PRKCA: variants seen among roughly 807,000 people sequenced by gnomAD.
PRKCA encodes protein kinase C alpha.
PRKCA carries 27 observed loss-of-function variants against 87.0 expected under a neutral mutation model. The observed-to-expected ratio is 0.31, with a 90% CI of 0.23 to 0.43. The LOEUF (loss-of-function observed/expected upper bound fraction) is 0.43, where lower values mean the gene tolerates loss of function less well. Among genes scored for constraint, PRKCA ranks in the 20% least tolerant of loss-of-function variants. PRKCA has a pLI of 1.00. For missense variants in PRKCA, 518 were observed against 852.3 expected (o/e 0.61, Z 4.88); for synonymous variants, 329 against 311.1 (o/e 1.06, Z -0.61).
chr17:66,578,355 C>A (rs8069696), intron 3 of PRKCA, among the ~76,000 whole-genome samples: 32,098 of 152,018 alleles, frequency 0.21, 3,579 homozygotes, highest in African/African-American at 0.28. Flanking sequence ...GGAAACCCTT[C>A]AGCTCCAGGG....
At chr17:66,491,123 G>A (rs1021682943) in intron 2 of PRKCA, among the ~76,000 whole-genome samples, 10 of 152,208 alleles carry the variant, frequency 6.6e-5, no homozygotes, top group Admixed American at 2.0e-4. Flanking sequence ...CATTTGCTCA[G>A]TGTGATTTGT....
At chr17:66,620,116 T>C (rs186709325) in intron 3 of PRKCA, among the ~76,000 whole-genome samples, 1 of 152,322 alleles carries the variant, frequency 6.6e-6, no homozygotes, top group Admixed American at 6.5e-5. Context: ...GAGCAGCCCT[T>C]CCTCAAGGAG....
chr17:66,568,036 C>A (rs1466990827), intron 3 of PRKCA, among the ~76,000 whole-genome samples: 1 of 152,192 alleles, frequency 6.6e-6, no homozygotes, highest in South Asian at 2.1e-4. Context: ...CAGCAGAGGT[C>A]TGGCGTGGTG....
At chr17:66,334,682 G>A (rs1399035569) in intron 2 of PRKCA, among the ~76,000 whole-genome samples, 1 of 152,200 alleles carries the variant, frequency 6.6e-6, no homozygotes, top group Non-Finnish European at 1.5e-5. Context: ...TGCAGCTGCT[G>A]TAGAAAATGG....
chr17:66,563,997 T>TCCTC (rs1968803069), intron 3 of PRKCA, among the ~76,000 whole-genome samples: 1 of 139,352 alleles, frequency 7.2e-6, no homozygotes, highest in African/African-American at 2.9e-5. Context: ...CTTCCTTCCT[T>TCCTC]CCTTCCTCCT....
At chr17:66,496,151 G>A (rs563860346) in intron 2 of PRKCA, 50 bp from the exon 3 acceptor site, 10 of 1,409,244 alleles carry the variant, frequency 7.1e-6, no homozygotes, top group East Asian at 4.6e-5. Context: ...AATAAAGCTC[G>A]TATGTTAAAT....
intron 3 of PRKCA, among the ~76,000 whole-genome samples, chr17:66,571,013 T>A (rs1969064499): frequency 6.6e-6 from 1 of 152,254 alleles, no homozygotes; most frequent in African/African-American, 2.4e-5. Flanking sequence ...GAGCACTGTT[T>A]GCAAATTGCA....
intron 2 of PRKCA, among the ~76,000 whole-genome samples, chr17:66,380,508 A>G (rs1448360192): frequency 1.3e-5 from 2 of 152,194 alleles, no homozygotes; most frequent in Non-Finnish European, 2.9e-5. Flanking sequence ...TAAGTATTCC[A>G]TTTATTTATC....
rs76683751 is a variant in PRKCA at position 66,630,290 on chromosome 17, G to T, written c.289-11065G>T. 1.6e-4 allele frequency among the ~76,000 whole-genome samples: 25 copies of T among 152,320 alleles called. 1 individual carries two copies. The East Asian group carries it at 3.7e-3, about 22-fold the overall frequency. ...ATGATTTAAGTATATGTGTAAGTAT[G>T]TACTTAAATACTAAGTAGATAGGCT... is the stretch of plus-strand genomic sequence containing the variant. On this transcript the variant is annotated intron_variant, in intron 3 of 16. Transcript: ENST00000413366.
intron 2 of PRKCA, among the ~76,000 whole-genome samples, chr17:66,459,834 A>T (rs1242679106): frequency 2.0e-4 from 31 of 151,778 alleles, no homozygotes; most frequent in Admixed American, 2.0e-3. Flanking sequence ...TTTTATTTTT[A>T]TTTTTATTTT....
At chr17:66,404,752 T>TTTTTTTTTTTTTTG (rs1911253954) in intron 2 of PRKCA, among the ~76,000 whole-genome samples, 1 of 130,144 alleles carries the variant, frequency 7.7e-6, no homozygotes, top group Admixed American at 7.9e-5. Context: ...CTTTTTTTTT[T>TTTTTTTTTTTTTTG]TTTTTTTTTT....
At chr17:66,563,011 TGTTA>T (rs1968764127) in intron 3 of PRKCA, among the ~76,000 whole-genome samples, 1 of 152,160 alleles carries the variant, frequency 6.6e-6, no homozygotes, top group African/African-American at 2.4e-5. Context: ...TATTTCATCC[TGTTA>T]GCTTTTTTTT....
chr17:66,671,209 C>CAAAAAAAAAAAAAAAAA (rs778507190), intron 5 of PRKCA, among the ~76,000 whole-genome samples: 1 of 48,448 alleles, frequency 2.1e-5, no homozygotes. Context: ...AGACTCATCT[C>CAAAAAAAAAAAAAAAAA]AAAAAAAAAA....
At chr17:66,582,240 C>A (rs921111962) in intron 3 of PRKCA, among the ~76,000 whole-genome samples, 1 of 152,152 alleles carries the variant, frequency 6.6e-6, no homozygotes, top group Admixed American at 6.5e-5. Context: ...TATTAACTAC[C>A]GCAACTCAAG....
At chr17:66,778,892 T>C (rs1975134265) in intron 14 of PRKCA, among the ~76,000 whole-genome samples, 1 of 151,750 alleles carries the variant, frequency 6.6e-6, no homozygotes, top group South Asian at 2.1e-4. Context: ...CTCCACATTC[T>C]GGTGCAATGG....
chr17:66,802,898 G>A lies in PRKCA; in HGVS notation c.1855-975G>A, dbSNP rs112202769. ...GCAGCAGGTCCAAGGGCAGTAATTGGCAGCATCTTGAAAATCATTCTTAGG... is the reference window on the plus strand; with the variant it reads ...GCAGCAGGTCCAAGGGCAGTAATTGACAGCATCTTGAAAATCATTCTTAGG... On this transcript the variant is annotated intron_variant, in intron 16 of 16. Coordinates refer to ENST00000413366, the MANE Select transcript of PRKCA (RefSeq NM_002737.3). 1.2e-3 allele frequency among the ~76,000 whole-genome samples: 182 copies of A among 152,320 alleles called. 1 individual carries two copies. Among genetic ancestry groups the A allele is most frequent in the African/African-American group, 4.1e-3 (170 of 41,572 alleles).
At chr17:66,560,666 C>G (rs567832401) in intron 3 of PRKCA, among the ~76,000 whole-genome samples, 37 of 152,248 alleles carry the variant, frequency 2.4e-4, no homozygotes, top group African/African-American at 8.4e-4. Flanking sequence ...CTTTGTAAGC[C>G]CTATGACACC....
chr17:66,437,731 T>TTTTTTTTTTTGC (rs55779501), intron 2 of PRKCA, among the ~76,000 whole-genome samples: 1 of 11,142 alleles, frequency 9.0e-5, no homozygotes, highest in African/African-American at 3.9e-4. Context: ...TTTTTTTTTT[T>TTTTTTTTTTTGC]GAGCGGGGGG....
intron 5 of PRKCA, among the ~76,000 whole-genome samples, chr17:66,677,628 T>A (rs896408815): frequency 1.3e-5 from 2 of 152,224 alleles, no homozygotes; most frequent in African/African-American, 4.8e-5. Context: ...CCAGGCCCCC[T>A]GAGGCAGGAC....
Sources: allele counts gnomAD v4.1 joint callset (sites outside exome capture counted in the v4.1 genomes callset), GRCh38; gene constraint gnomAD v4.1.1; transcripts MANE v1.5; gene names NCBI Gene and HGNC (gene_info 2026-07-23, HGNC 2026-07-21).